The following COL24A1 variants were observed in gnomAD, a reference collection of about 807,000 sequenced individuals.
COL24A1 encodes collagen type XXIV alpha 1 chain, also known as collagen alpha-1(XXIV) chain.
COL24A1 carries 224 observed loss-of-function variants against 253.9 expected under a neutral mutation model. The observed-to-expected ratio is 0.88, with a 90% CI of 0.79 to 0.99. The LOEUF is 0.99. Ranked by LOEUF, COL24A1 falls within the 50% of genes least tolerant of loss-of-function variation. The pLI, the probability that COL24A1 is intolerant of heterozygous loss-of-function variation, is 0.00. For synonymous variants in COL24A1, 685 were observed against 673.7 expected, an observed-to-expected ratio of 1.02 and a Z score of -0.26; for missense variants, 2,131 against 2,068.5, an observed-to-expected ratio of 1.03 and a Z score of -0.59.
At chr1:85,866,813 T>G (rs1311144785) in intron 37 of COL24A1, among the ~76,000 whole-genome samples, 1 of 152,050 alleles carries the variant, frequency 6.6e-6, no homozygotes, top group Admixed American at 6.6e-5. Context: ...TTGGGATTCC[T>G]AAGTACTTTG....
intron 32 of COL24A1, among the ~76,000 whole-genome samples, chr1:85,878,875 A>G (rs565109595): frequency 2.0e-5 from 3 of 152,248 alleles, no homozygotes; most frequent in African/African-American, 7.2e-5. Flanking sequence ...TGCCATTTCT[A>G]TATCTTCTTT....
intron 24 of COL24A1, among the ~76,000 whole-genome samples, chr1:85,921,414 G>A (rs1381080377): frequency 6.6e-6 from 1 of 152,142 alleles, no homozygotes; most frequent in Non-Finnish European, 1.5e-5. Flanking sequence ...GCTTCAGTAG[G>A]TAAACAAAGT....
At chr1:86,062,291 A>G (rs187749409) in intron 8 of COL24A1, among the ~76,000 whole-genome samples, 2 of 152,176 alleles carry the variant, frequency 1.3e-5, no homozygotes, top group Admixed American at 1.3e-4. Flanking sequence ...TTCAAGACAA[A>G]TGTCTTCCAG....
chr1:86,022,726 T>C, intron 16 of COL24A1, 107 bp downstream of exon 16: 5 of 1,236,368 alleles, frequency 4.0e-6, no homozygotes, highest in South Asian at 1.8e-5. Context: ...TAATTGATAC[T>C]ACAAATTAGA....
At chr1:85,893,836 T>C (rs1184763395) in intron 31 of COL24A1, among the ~76,000 whole-genome samples, 1 of 151,880 alleles carries the variant, frequency 6.6e-6, no homozygotes, top group Non-Finnish European at 1.5e-5. Flanking sequence ...GAGATGGGGG[T>C]CTCACTACAT....
intron 22 of COL24A1, 52 bp downstream of exon 22, chr1:85,970,175 A>G (rs1340012195): frequency 2.1e-6 from 3 of 1,440,048 alleles, no homozygotes; most frequent in South Asian, 2.7e-5. Flanking sequence ...CATTTATAGA[A>G]CAGCTATTTT....
At chr1:86,040,886 A>G (rs1055274330) in intron 12 of COL24A1, among the ~76,000 whole-genome samples, 1 of 152,176 alleles carries the variant, frequency 6.6e-6, no homozygotes, top group South Asian at 2.1e-4. Context: ...AAAACAAAAT[A>G]AAAAACACTG....
Position 85,743,600 on chromosome 1 carries a change from T to G in COL24A1, c.4672+1066A>C, listed in dbSNP as rs182150397. On this transcript the variant is annotated intron_variant, in intron 57 of 59. Transcript: ENST00000370571. ...TGCACAATCCACACCATTTAGCTAT[T>G]TCTCTTATAAGGAAGGTAGACTTTG... Among the ~76,000 whole-genome samples the G allele has an allele frequency of 5.3e-5, 8 of 152,288 alleles. No individual in the cohort carries two copies. In the East Asian group the frequency reaches 1.5e-3, roughly 29 times the overall value.
At chr1:86,147,736 A>G (rs149311833) in intron 1 of COL24A1, among the ~76,000 whole-genome samples, 1,613 of 152,362 alleles carry the variant, frequency 0.011, 11 homozygotes, top group Middle Eastern at 0.017. Flanking sequence ...CTGAGAAAAA[A>G]CTATTTAGAA....
In COL24A1 at chr1:85,783,528, T is replaced by G. The variant is rs772279026; in HGVS notation, c.4252A>C (p.Ile1418Leu). 6.2e-7 allele frequency: 1 copy of G among 1,613,542 alleles called. No individual in the cohort carries two copies. Among genetic ancestry groups the G allele is most frequent in the East Asian group, 2.2e-5 (1 of 44,840 alleles). Residue 1418 changes from isoleucine (I) to leucine (L), a missense_variant, in exon 51 of 60, where the codon ATA becomes CTA. By Grantham distance (5) the Ile-to-Leu change is conservative. Transcript: ENST00000370571. ...GPEGDAGIVG[I>L]SGPKGPIGHR... The stretch of plus-strand genomic sequence containing the variant: ...CCAATAGGACCTTTAGGACCTGATA[T>G]CCCAACAATGCCAGCATCCCCTTCA...
chr1:85,857,103 T>C (rs1331857447), intron 37 of COL24A1, among the ~76,000 whole-genome samples: 1 of 152,134 alleles, frequency 6.6e-6, no homozygotes, highest in East Asian at 1.9e-4. Flanking sequence ...AGAGATCTTT[T>C]TTGCAATTAC....
At chr1:86,034,124 A>G (rs888958747) in intron 12 of COL24A1, among the ~76,000 whole-genome samples, 6 of 152,290 alleles carry the variant, frequency 3.9e-5, no homozygotes, top group African/African-American at 1.4e-4. Flanking sequence ...CAGTATTTCT[A>G]TATGTTATAA....
intron 37 of COL24A1, among the ~76,000 whole-genome samples, chr1:85,866,234 G>A (rs1679783022): frequency 6.6e-6 from 1 of 152,142 alleles, no homozygotes; most frequent in Non-Finnish European, 1.5e-5. Flanking sequence ...CTGCACTTCT[G>A]GGTGAGAGTG....
rs1031542660 is a variant in COL24A1 at position 85,770,055 on chromosome 1, G to C, written c.4374+5619C>G. On this transcript the variant is annotated intron_variant, in intron 53 of 59. Transcript: ENST00000370571. ...GATATGGAACATGGGCTAATTCCAA[G>C]TCTCTCTGCTTTTCCCTTCCCTCTT... Among the ~76,000 whole-genome samples the C allele has an allele frequency of 2.0e-5, 3 of 152,184 alleles. No individual in the cohort carries two copies. In the South Asian group the frequency reaches 6.2e-4, roughly 32 times the overall value.
intron 23 of COL24A1, 59 bp from the exon 24 acceptor site, chr1:85,961,352 GAC>G: frequency 7.6e-7 from 1 of 1,315,588 alleles, no homozygotes; most frequent in East Asian, 2.3e-5. Context: ...GATTATTCAT[GAC>G]AGTTTCAATT....
At chr1:85,902,077 T>A (rs374385975) in intron 28 of COL24A1, among the ~76,000 whole-genome samples, 12 of 152,270 alleles carry the variant, frequency 7.9e-5, no homozygotes, top group African/African-American at 2.9e-4. Flanking sequence ...GGTCATTATA[T>A]TAAGTGAAAT....
chr1:86,060,675 C>A (rs138436355), intron 8 of COL24A1, among the ~76,000 whole-genome samples: 7 of 151,892 alleles, frequency 4.6e-5, no homozygotes, highest in African/African-American at 7.2e-5. Context: ...ATTTGCTAAG[C>A]GTTTTACATC....
At chr1:85,850,984 T>C (rs1488642915) in intron 37 of COL24A1, among the ~76,000 whole-genome samples, 5 of 110,050 alleles carry the variant, frequency 4.5e-5, no homozygotes, top group Admixed American at 1.8e-4. Context: ...TGTGTATGTC[T>C]ATGTGTGTGT....
chr1:85,775,255 T>C (rs576752119), intron 53 of COL24A1, among the ~76,000 whole-genome samples: 6 of 152,330 alleles, frequency 3.9e-5, no homozygotes, highest in Non-Finnish European at 5.9e-5. Context: ...GTGATTTCTG[T>C]TCTTTTACAT....
Sources: allele counts gnomAD v4.1 joint callset (sites outside exome capture counted in the v4.1 genomes callset), GRCh38; gene constraint gnomAD v4.1.1; transcripts MANE v1.5; gene names NCBI Gene and HGNC (gene_info 2026-07-23, HGNC 2026-07-21).